The following EVC2 variants were observed in gnomAD, a reference collection of about 807,000 sequenced individuals.
The protein encoded by EVC2 is limbin.
A neutral mutation model predicts 149.3 loss-of-function variants in EVC2; 148 were observed. The ratio of observed to expected loss-of-function variants is 0.99; its 90% CI spans 0.87 to 1.14. The LOEUF (loss-of-function observed/expected upper bound fraction) is 1.14. Among genes scored for constraint, EVC2 ranks in the 50% most tolerant of loss-of-function variants. The pLI is 0.00. For synonymous variants in EVC2, 776 were observed against 649.9 expected, an observed-to-expected ratio of 1.19 and a Z score of -2.95; for missense variants, 1,854 against 1,627.3, an observed-to-expected ratio of 1.14 and a Z score of -2.40.
intron 20 of EVC2, among the ~76,000 whole-genome samples, chr4:5,568,013 C>T (rs1384161318): frequency 6.6e-6 from 1 of 152,190 alleles, no homozygotes; most frequent in African/African-American, 2.4e-5. Context: ...AGCGTGCTCA[C>T]TCCACACTCG....
At chr4:5,666,716 A>G (rs530475655) in intron 7 of EVC2, among the ~76,000 whole-genome samples, 4 of 152,260 alleles carry the variant, frequency 2.6e-5, no homozygotes, top group South Asian at 4.1e-4. Flanking sequence ...ACTGCCTTCT[A>G]TATTGTCACA....
chr4:5,685,873 C>G (rs939945559), intron 5 of EVC2, among the ~76,000 whole-genome samples: 3 of 152,144 alleles, frequency 2.0e-5, no homozygotes, highest in Non-Finnish European at 2.9e-5. Context: ...GGACTGGAGG[C>G]CTTCGCCTGA....
In EVC2 at chr4:5,618,299, A is replaced by G. The variant is rs115712574; in HGVS notation, c.2706+179T>C. Among the ~76,000 whole-genome samples the G allele has an allele frequency of 0.012, 1,766 of 152,258 alleles. 35 individuals carry two copies. Among genetic ancestry groups the G allele is most frequent in the African/African-American group, 0.04 (1,675 of 41,560 alleles). ...ACCAGCAGTGTCCACTATAGACTTTAAAGTTGGGACAGCCCTGGAGATTCC... is the reference window on the plus strand; with the variant it reads ...ACCAGCAGTGTCCACTATAGACTTTGAAGTTGGGACAGCCCTGGAGATTCC... On this transcript the variant is annotated intron_variant, in intron 15 of 21. Transcript: ENST00000344408. This position sits in a 1 kb window ranked among gnomAD's most constrained non-coding sequence, Gnocchi z 4.4.
chr4:5,566,942 C>T (rs1302537875), intron 20 of EVC2, among the ~76,000 whole-genome samples: 1 of 152,186 alleles, frequency 6.6e-6, no homozygotes, highest in Admixed American at 6.5e-5. Flanking sequence ...GAAAACCAGG[C>T]TGTGAAACCT....
At chr4:5,650,604 CATATATATATATAT>C (rs66673359) in intron 9 of EVC2, among the ~76,000 whole-genome samples, 2,229 of 53,070 alleles carry the variant, frequency 0.042, 99 homozygotes, top group South Asian at 0.082. Flanking sequence ...TTTTAATCGC[CATATATATATATAT>C]ATATATATAT....
At chr4:5,627,832 G>A (rs6833059) in intron 12 of EVC2, among the ~76,000 whole-genome samples, 3,429 of 152,156 alleles carry the variant, frequency 0.023, 125 homozygotes, top group African/African-American at 0.078. Flanking sequence ...AGCCGGCAGT[G>A]TGCTAGATCT....
chr4:5,589,445 G>A (rs1405678578), intron 16 of EVC2, among the ~76,000 whole-genome samples: 2 of 152,126 alleles, frequency 1.3e-5, no homozygotes, highest in African/African-American at 4.8e-5. Flanking sequence ...TACTCAAGAG[G>A]ACCCAGTAGA....
intron 21 of EVC2, among the ~76,000 whole-genome samples, chr4:5,552,172 C>G (rs6815573): frequency 0.091 from 13,826 of 152,176 alleles, 1,184 homozygotes; most frequent in African/African-American, 0.22. Context: ...ATCCATTTTA[C>G]ATACTGACCT....
intron 21 of EVC2, among the ~76,000 whole-genome samples, chr4:5,552,280 C>T (rs1306410332): frequency 6.6e-6 from 1 of 152,138 alleles, no homozygotes; most frequent in Non-Finnish European, 1.5e-5. Flanking sequence ...AATTCAAGCA[C>T]AATTTAAGTA....
In EVC2 at chr4:5,615,333, A is replaced by G. The variant is rs1715161122; in HGVS notation, c.2829+89T>C. 4.4e-6 allele frequency: 7 copies of G among 1,594,324 alleles called. No homozygotes were observed. In the South Asian group the frequency reaches 5.6e-5, roughly 13 times the overall value. On this transcript the variant is annotated intron_variant, in intron 16 of 21. Transcript: ENST00000344408. The stretch of plus-strand genomic sequence containing the variant: ...GGTGGAGATGGATGGCACAGCCCCA[A>G]GGGCTCTGTGTGCCTGCAAATGTGT...
chr4:5,667,286 C>T (rs964177920), intron 7 of EVC2, among the ~76,000 whole-genome samples: 1 of 151,632 alleles, frequency 6.6e-6, no homozygotes, highest in African/African-American at 2.4e-5. Flanking sequence ...AGGTTTTTCA[C>T]CTTCTTTATG....
At chr4:5,630,414 T>G (rs1716447953) in intron 11 of EVC2, among the ~76,000 whole-genome samples, 1 of 152,162 alleles carries the variant, frequency 6.6e-6, no homozygotes, top group Non-Finnish European at 1.5e-5. Context: ...CTTTCGCCAC[T>G]GTCTTAGCAA....
chr4:5,538,585 T>C (rs1421847160), downstream of EVC2, among the ~76,000 whole-genome samples: 5 of 152,074 alleles, frequency 3.3e-5, no homozygotes, highest in African/African-American at 4.8e-5. Context: ...TTTTAGCAAA[T>C]AGAAACTAAC....
intron 16 of EVC2, among the ~76,000 whole-genome samples, chr4:5,593,594 G>T (rs545168906): frequency 6.6e-6 from 1 of 152,330 alleles, no homozygotes; most frequent in Non-Finnish European, 1.5e-5. Flanking sequence ...GTGGAGCAAA[G>T]ATGGCCGAAT....
the EVC2 span, among the ~76,000 whole-genome samples, chr4:5,531,142 A>C: frequency 6.6e-6 from 1 of 152,148 alleles, no homozygotes; most frequent in Non-Finnish European, 1.5e-5. Context: ...CCATTGAGGG[A>C]GTGGCGGCCT....
At chr4:5,658,828 A>T (rs1455132665) in intron 9 of EVC2, among the ~76,000 whole-genome samples, 2 of 152,224 alleles carry the variant, frequency 1.3e-5, no homozygotes, top group South Asian at 2.1e-4. Flanking sequence ...CGCAGGCGAG[A>T]GGTGTGTGGC....
In EVC2 at chr4:5,686,576, AGAAACT is replaced by A. The variant is rs1720729719; in HGVS notation, c.707-1103_707-1098del. On this transcript the variant is annotated intron_variant, in intron 5 of 21. Transcript: ENST00000344408. The surrounding 1 kb of genome is among the most constrained non-coding windows in gnomAD (Gnocchi z 5.4). ...GTGATTTTCTGCAACATACAGAAGA[AGAAACT>A]GAAACTGAGAGACAGTGACTGGCTT... Among the ~76,000 whole-genome samples the A allele has an allele frequency of 6.6e-6, 1 of 152,150 alleles. No individual in the cohort carries two copies. Among genetic ancestry groups the A allele is most frequent in the African/African-American group, 2.4e-5 (1 of 41,448 alleles).
chr4:5,691,956 T>C (rs1721146144), intron 3 of EVC2, among the ~76,000 whole-genome samples: 1 of 152,222 alleles, frequency 6.6e-6, no homozygotes, highest in African/African-American at 2.4e-5. Flanking sequence ...TCATTTCTGC[T>C]CTTGCCATGC....
chr4:5,536,066 TC>T, the EVC2 span, among the ~76,000 whole-genome samples: 2 of 152,006 alleles, frequency 1.3e-5, no homozygotes, highest in Admixed American at 6.6e-5. Context: ...TGGAATTTTT[TC>T]CCATGGACCC....
Sources: gnomAD v4.1 joint callset for allele counts (sites outside exome capture counted in the v4.1 genomes callset) on GRCh38, gnomAD v4.1.1 for gene constraint, Gnocchi (gnomAD v3.1) non-coding constraint, MANE v1.5 for transcripts, NCBI Gene and HGNC (gene_info 2026-07-23, HGNC 2026-07-21) for gene names.